Variants in GRK5 observed in about 807,000 individuals in gnomAD.
GRK5 encodes the protein g protein-coupled receptor kinase GRK5.
A neutral mutation model predicts 78.4 loss-of-function variants in GRK5; 40 were observed. The observed-to-expected ratio is 0.51, with a 90% CI of 0.40 to 0.66. GRK5 has a LOEUF of 0.66. Among genes scored for constraint, GRK5 ranks in the 30% least tolerant of loss-of-function variants. The pLI is 0.00. For synonymous variants in GRK5, 289 were observed against 296.8 expected, an observed-to-expected ratio of 0.97 and a Z score of 0.27; for missense variants, 598 against 759.9, an observed-to-expected ratio of 0.79 and a Z score of 2.50.
chr10:119,289,830 A>C (rs1849918533), intron 1 of GRK5, among the ~76,000 whole-genome samples: 1 of 152,186 alleles, frequency 6.6e-6, no homozygotes, highest in Non-Finnish European at 1.5e-5. Flanking sequence ...TTCAGCTCCT[A>C]TCAGGGTTAG....
intron 10 of GRK5, among the ~76,000 whole-genome samples, chr10:119,441,747 G>A (rs907787735): frequency 1.3e-5 from 2 of 152,180 alleles, no homozygotes; most frequent in Admixed American, 6.5e-5. Flanking sequence ...GTCGGTCAAC[G>A]TCCAGCCGGG....
At chr10:119,325,344 A>G (rs923040887) in intron 1 of GRK5, among the ~76,000 whole-genome samples, 3 of 152,126 alleles carry the variant, frequency 2.0e-5, no homozygotes, top group African/African-American at 7.2e-5. Flanking sequence ...AGCAAGGTGG[A>G]GGACAGGTTG....
At chr10:119,268,141 G>A (rs918891342) in intron 1 of GRK5, among the ~76,000 whole-genome samples, 8 of 152,234 alleles carry the variant, frequency 5.3e-5, no homozygotes, top group African/African-American at 1.7e-4. Flanking sequence ...CCATGCACAC[G>A]CCTAGATGCA....
chr10:119,371,734 A>C (rs1171188216), intron 2 of GRK5, among the ~76,000 whole-genome samples: 1 of 152,102 alleles, frequency 6.6e-6, no homozygotes, highest in African/African-American at 2.4e-5. Context: ...TTCACCAGCT[A>C]CCTCCTATCT....
intron 6 of GRK5, among the ~76,000 whole-genome samples, chr10:119,427,232 T>A (rs1370862616): frequency 1.1e-5 from 1 of 94,660 alleles, no homozygotes; most frequent in Non-Finnish European, 2.2e-5. Context: ...TTCATCAACA[T>A]CACCACCATC....
intron 4 of GRK5, among the ~76,000 whole-genome samples, chr10:119,406,071 G>A (rs1280297724): frequency 6.6e-6 from 1 of 152,180 alleles, no homozygotes; most frequent in African/African-American, 2.4e-5. Context: ...GTGAATGTGA[G>A]AGCCCTGATG....
chr10:119,429,721 T>C (rs1852776813), intron 6 of GRK5, among the ~76,000 whole-genome samples: 1 of 152,018 alleles, frequency 6.6e-6, no homozygotes, highest in Non-Finnish European at 1.5e-5. Flanking sequence ...CTCATCTATG[T>C]GGGAAATACA....
chr10:119,442,188 C>A, intron 11 of GRK5, 100 bp downstream of exon 11: 1 of 889,344 alleles, frequency 1.1e-6, no homozygotes, highest in Non-Finnish European at 1.8e-6. Flanking sequence ...CTCGCCTCTT[C>A]ATGCACTGCT....
chr10:119,326,728 C>A, intron 2 of GRK5, 117 bp downstream of exon 2: 1 of 745,334 alleles, frequency 1.3e-6, no homozygotes, highest in Non-Finnish European at 2.4e-6. Context: ...GAGGCAAATG[C>A]CAATCAGTGG....
chr10:119,340,158 C>T (rs1158747144), intron 2 of GRK5, among the ~76,000 whole-genome samples: 2 of 150,684 alleles, frequency 1.3e-5, no homozygotes, highest in East Asian at 1.9e-4. Flanking sequence ...GACAGAGTCT[C>T]ACTCCGTCAC....
In GRK5 at chr10:119,396,865, T is replaced by C. The variant is rs1336625762; in HGVS notation, c.339+93T>C. On this transcript the variant is annotated intron_variant, in intron 4 of 15. Transcript: ENST00000392870. ...GTCTGTGCCAGGCCACATGGGGAGC[T>C]GTTAAGTGCTGGGCTGGTGGCTGTT... The C allele has an allele frequency of 3.2e-6, 3 of 930,748 alleles. No individual in the cohort carries two copies. The African/African-American group carries it at 4.9e-5, about 15-fold the overall frequency. The allele number at this position is 930,748 out of a possible 1,614,324, so 57.7% of individuals were successfully genotyped here. A position where few individuals can be genotyped will look rare whatever the true frequency, so the allele number is the denominator to read the frequency against.
At chr10:119,405,831 T>G (rs1037089768) in intron 4 of GRK5, among the ~76,000 whole-genome samples, 6 of 152,230 alleles carry the variant, frequency 3.9e-5, no homozygotes, top group Admixed American at 3.9e-4. Context: ...CAGACTACCC[T>G]TAACAGTTAC....
intron 1 of GRK5, among the ~76,000 whole-genome samples, chr10:119,269,400 C>T (rs900411449): frequency 6.6e-6 from 1 of 152,042 alleles, no homozygotes; most frequent in African/African-American, 2.4e-5. Context: ...AACATGCAGC[C>T]GAGGGTTCCT....
chr10:119,243,566 C>CTTTCTTTTT (rs751972415), intron 1 of GRK5, among the ~76,000 whole-genome samples: 2 of 147,940 alleles, frequency 1.4e-5, no homozygotes, highest in African/African-American at 2.5e-5. Context: ...CCCAGTTTTT[C>CTTTCTTTTT]TTTTTTTTTT....
intron 2 of GRK5, among the ~76,000 whole-genome samples, chr10:119,354,522 C>G (rs772448488): frequency 6.6e-6 from 1 of 151,916 alleles, no homozygotes; most frequent in Non-Finnish European, 1.5e-5. Context: ...CCACCTCAGC[C>G]TCCTGAGTAT....
intron 6 of GRK5, among the ~76,000 whole-genome samples, chr10:119,425,824 CTT>C (rs1852667637): frequency 6.6e-6 from 1 of 152,256 alleles, no homozygotes; most frequent in African/African-American, 2.4e-5. Context: ...GTGGCTGTGA[CTT>C]GGGCAGATGT....
rs377433200 is a variant in GRK5, at chr10:119,208,003, C to G, written c.52+34C>G. 2.8e-4 allele frequency: 446 copies of G among 1,590,978 alleles called. 1 individual carries two copies. The highest frequency in any genetic ancestry group is 7.5e-5 in the Non-Finnish European group (88 of 1,169,348). On this transcript the variant is annotated intron_variant, in intron 1 of 15. Transcript: ENST00000392870. ...CAGGGCCGGTACGTGCCCGGCGCGT[C>G]CGCCGCGGGCCAGGGTGCGGGTGTC...
chr10:119,229,338 T>C (rs1848789177), intron 1 of GRK5, among the ~76,000 whole-genome samples: 1 of 152,048 alleles, frequency 6.6e-6, no homozygotes, highest in Non-Finnish European at 1.5e-5. Context: ...AAAATGACGG[T>C]TGGTGGAAGG....
chr10:119,396,657 C>A (rs1171503774), intron 3 of GRK5, 38 bp from the exon 4 acceptor site: 1 of 1,536,814 alleles, frequency 6.5e-7, no homozygotes, highest in Non-Finnish European at 9.0e-7. Context: ...AGCTCATGAG[C>A]AAACCTGTTA....
Sources: gnomAD v4.1 joint callset for allele counts (sites outside exome capture counted in the v4.1 genomes callset) on GRCh38, gnomAD v4.1.1 for gene constraint, MANE v1.5 for transcripts, NCBI Gene and HGNC (gene_info 2026-07-23, HGNC 2026-07-21) for gene names.